CNTNAP4: variants seen among roughly 807,000 people sequenced by gnomAD.
CNTNAP4 encodes contactin associated protein family member 4, also known as contactin-associated protein-like 4.
In CNTNAP4, 98 loss-of-function variants were observed where a neutral mutation model predicts 148.4. The observed-to-expected ratio is 0.66, with a 90% confidence interval of 0.56 to 0.78. The LOEUF (loss-of-function observed/expected upper bound fraction) is 0.78, where lower values mean the gene tolerates loss of function less well. Ranked by LOEUF, CNTNAP4 falls within the 30% of genes least tolerant of loss-of-function variation. The pLI, the probability that CNTNAP4 is intolerant of heterozygous loss-of-function variation, is 0.00. For missense variants in CNTNAP4, 1,935 were observed against 1,565.6 expected (o/e 1.24, Z -3.98); for synonymous variants, 730 against 565.1 (o/e 1.29, Z -4.14).
At position 76,522,082 on chromosome 16, in the gene CNTNAP4, T is replaced by G; in HGVS notation, c.2580T>G (p.Pro860=). The part of the protein sequence containing the change: ...VTFSFDVGNG[P]FEISVQSPTH... ...TTTCATTTGATGTGGGGAATGGGCC[T>G]TTTGAAATCTCAGTGCAGTCACCCA... Residue 860 remains proline (P), a synonymous_variant, in exon 17 of 24, where the codon CCT becomes CCG. Transcript: ENST00000611870. The G allele has an allele frequency of 6.2e-7, 1 of 1,613,956 alleles. No homozygotes were observed. Among genetic ancestry groups the G allele is most frequent in the South Asian group, 1.1e-5 (1 of 91,082 alleles).
chr16:76,515,660 G>A lies in CNTNAP4; in HGVS notation c.2366-5480G>A, dbSNP rs554764040. Reference sequence around the variant, plus strand: ...CAGACTAACACAATGGGCAAAAGACGTGGAAGGAGGTTCAACCAAAGAAGG... The same window carrying A: ...CAGACTAACACAATGGGCAAAAGACATGGAAGGAGGTTCAACCAAAGAAGG... On this transcript the variant is annotated intron_variant, in intron 15 of 23. Coordinates refer to ENST00000611870, the MANE Select transcript of CNTNAP4 (RefSeq NM_033401.5). Among the ~76,000 whole-genome samples the A allele has an allele frequency of 2.4e-4, 36 of 152,290 alleles. No individual in the cohort carries two copies. The South Asian group carries it at 4.1e-3, about 18-fold the overall frequency.
At chr16:76,549,358 G>C (rs2144370043) in intron 21 of CNTNAP4, among the ~76,000 whole-genome samples, 1 of 152,118 alleles carries the variant, frequency 6.6e-6, no homozygotes, top group Admixed American at 6.5e-5. Context: ...TTCTTCTTAG[G>C]GCTGTGGCCT....
chr16:76,423,139 T>C (rs1035341210), intron 3 of CNTNAP4, among the ~76,000 whole-genome samples: 3 of 152,198 alleles, frequency 2.0e-5, no homozygotes, highest in African/African-American at 7.2e-5. Flanking sequence ...TTTTGGACTT[T>C]CCAGCCTCCA....
chr16:76,458,927 C>T (rs2080835234), intron 8 of CNTNAP4, among the ~76,000 whole-genome samples: 3 of 151,896 alleles, frequency 2.0e-5, no homozygotes, highest in Admixed American at 6.5e-5. Flanking sequence ...AACTAATTTA[C>T]AGTTCCCCCT....
intron 2 of CNTNAP4, among the ~76,000 whole-genome samples, chr16:76,335,570 C>A: frequency 6.6e-6 from 1 of 152,158 alleles, no homozygotes; most frequent in African/African-American, 2.4e-5. Context: ...TTCTCTGAAG[C>A]CCTGTCCTCA....
chr16:76,421,600 T>C (rs946989074), intron 3 of CNTNAP4, among the ~76,000 whole-genome samples: 4 of 152,144 alleles, frequency 2.6e-5, no homozygotes, highest in African/African-American at 7.2e-5. Flanking sequence ...GAGGCACATT[T>C]AGTAAAGATT....
intron 12 of CNTNAP4, among the ~76,000 whole-genome samples, chr16:76,480,540 C>A (rs948655955): frequency 2.0e-5 from 3 of 152,080 alleles, no homozygotes; most frequent in African/African-American, 7.2e-5. Context: ...GAGATTGAGA[C>A]CATCCTGGCC....
intron 1 of CNTNAP4, among the ~76,000 whole-genome samples, chr16:76,296,887 ATCT>A: frequency 3.9e-5 from 6 of 152,158 alleles, no homozygotes; most frequent in African/African-American, 1.4e-4. Context: ...GTAGCATTAA[ATCT>A]TATGAGATTT....
chr16:76,484,275 GAAAAA>G lies in CNTNAP4; in HGVS notation c.1882+4753_1882+4757del, dbSNP rs10622949. Among the ~76,000 whole-genome samples the G allele has an allele frequency of 2.5e-3, 181 of 71,242 alleles. 1 individual carries two copies. Among genetic ancestry groups the G allele is most frequent in the Non-Finnish European group, 3.5e-3 (147 of 41,692 alleles). The allele number at this position is 71,242 out of a possible 152,430, so 46.7% of individuals were successfully genotyped here. On this transcript the variant is annotated intron_variant, in intron 12 of 23. Coordinates refer to ENST00000611870, the MANE Select transcript of CNTNAP4 (RefSeq NM_033401.5). ...CATAGATCCCAAAGAGGAGAGAAAT[GAAAAA>G]AAAAAAAAAAAAAAAGACTGGAGTC...
At position 76,537,229 on chromosome 16, in the gene CNTNAP4, A is replaced by G. The variant is rs568983185; in HGVS notation, c.2996-887A>G. Among the ~76,000 whole-genome samples, 20 of 152,342 alleles carry G rather than the reference A, an allele frequency of 1.3e-4. No individual in the cohort carries two copies. In the South Asian group the frequency reaches 3.3e-3, roughly 25 times the overall value. On this transcript the variant is annotated intron_variant, in intron 18 of 23. Coordinates refer to ENST00000611870, the MANE Select transcript of CNTNAP4 (RefSeq NM_033401.5). ...ACTCTGTATGCACATATTATATTGA[A>G]TATAAAATGCGTGTTATAGATAATA...
At chr16:76,363,959 C>G (rs1446485484) in intron 3 of CNTNAP4, among the ~76,000 whole-genome samples, 1 of 151,464 alleles carries the variant, frequency 6.6e-6, no homozygotes. Flanking sequence ...ATATAATATA[C>G]AAAAAAATAC....
intron 2 of CNTNAP4, among the ~76,000 whole-genome samples, chr16:76,330,564 A>G (rs1400070346): frequency 6.6e-6 from 1 of 152,216 alleles, no homozygotes; most frequent in Non-Finnish European, 1.5e-5. Context: ...GGTAGTTTCA[A>G]AGAAAAAGGT....
chr16:76,470,975 CAT>C (rs1336330587), intron 10 of CNTNAP4, among the ~76,000 whole-genome samples: 1 of 152,240 alleles, frequency 6.6e-6, no homozygotes, highest in African/African-American at 2.4e-5. Context: ...ACACAACTCA[CAT>C]ATTAATCCTT....
chr16:76,457,206 A>G (rs1029896832), intron 8 of CNTNAP4, among the ~76,000 whole-genome samples: 2 of 152,330 alleles, frequency 1.3e-5, no homozygotes, highest in African/African-American at 4.8e-5. Context: ...TATCAGACCT[A>G]GTAACGGAAA....
At chr16:76,423,235 C>G (rs1411960819) in intron 3 of CNTNAP4, among the ~76,000 whole-genome samples, 1 of 151,964 alleles carries the variant, frequency 6.6e-6, no homozygotes, top group Admixed American at 6.6e-5. Flanking sequence ...TTTTTTCTCT[C>G]TGAAAAGTTG....
chr16:76,385,425 A>G (rs1278441567), intron 3 of CNTNAP4, among the ~76,000 whole-genome samples: 1 of 152,232 alleles, frequency 6.6e-6, no homozygotes, highest in African/African-American at 2.4e-5. Flanking sequence ...CCTGAAAAAT[A>G]CAGAGAAAAT....
At chr16:76,481,077 A>G (rs1426909732) in intron 12 of CNTNAP4, among the ~76,000 whole-genome samples, 1 of 152,244 alleles carries the variant, frequency 6.6e-6, no homozygotes, top group African/African-American at 2.4e-5. Context: ...TAGAGAATTT[A>G]TAAACAGACT....
At chr16:76,436,852 C>G (rs1001921113) in intron 4 of CNTNAP4, among the ~76,000 whole-genome samples, 1 of 152,036 alleles carries the variant, frequency 6.6e-6, no homozygotes, top group Non-Finnish European at 1.5e-5. Flanking sequence ...GCAGCCAACT[C>G]CAGAAACCCC....
chr16:76,445,401 T>A (rs1166331584), intron 4 of CNTNAP4, among the ~76,000 whole-genome samples: 1 of 152,186 alleles, frequency 6.6e-6, no homozygotes, highest in African/African-American at 2.4e-5. Context: ...GAATTTTTTT[T>A]AAATCCCAGA....
Sources: gnomAD v4.1 joint callset for allele counts (sites outside exome capture counted in the v4.1 genomes callset) on GRCh38, gnomAD v4.1.1 for gene constraint, MANE v1.5 for transcripts, NCBI Gene and HGNC (gene_info 2026-07-23, HGNC 2026-07-21) for gene names.